EPHA6: variants seen among roughly 807,000 people sequenced by gnomAD.
EPHA6 encodes ephrin type-A receptor 6.
A neutral mutation model predicts 112.0 loss-of-function variants in EPHA6; 50 were observed. The ratio of observed to expected loss-of-function variants is 0.45; its 90% CI spans 0.36 to 0.56. The LOEUF (loss-of-function observed/expected upper bound fraction) is 0.56. Among genes scored for constraint, EPHA6 ranks in the 20% least tolerant of loss-of-function variants. EPHA6 has a pLI of 0.00. For synonymous variants in EPHA6, 529 were observed against 490.7 expected (o/e 1.08, Z -1.03); for missense variants, 1,280 against 1,417.4 (o/e 0.90, Z 1.56).
At chr3:96,943,806 C>A (rs2041107723) in intron 2 of EPHA6, among the ~76,000 whole-genome samples, 1 of 151,838 alleles carries the variant, frequency 6.6e-6, no homozygotes, top group Admixed American at 6.6e-5. Flanking sequence ...TGCAGTGAGG[C>A]TAGCAGCATA....
chr3:97,423,424 A>G (rs2088841664), intron 6 of EPHA6, among the ~76,000 whole-genome samples: 1 of 152,212 alleles, frequency 6.6e-6, no homozygotes, highest in Admixed American at 6.5e-5. Flanking sequence ...AGAATAAAAT[A>G]CCTAAGAATA....
intron 12 of EPHA6, among the ~76,000 whole-genome samples, chr3:97,599,373 T>C (rs2093623760): frequency 6.7e-6 from 1 of 149,312 alleles, no homozygotes; most frequent in South Asian, 2.2e-4. Context: ...ATGCCTAGGT[T>C]TTCTTCTAGG....
At chr3:97,407,657 T>C (rs2087443277) in intron 6 of EPHA6, among the ~76,000 whole-genome samples, 1 of 152,132 alleles carries the variant, frequency 6.6e-6, no homozygotes, top group South Asian at 2.1e-4. Flanking sequence ...CTCAAGTGAA[T>C]ACAGCTTGAC....
chr3:97,009,935 G>C (rs1576314375), intron 3 of EPHA6: 6 of 501,468 alleles, frequency 1.2e-5, no homozygotes, highest in South Asian at 9.3e-5. Context: ...ATTTTGATGA[G>C]AGAACCTGGT....
chr3:97,743,154 C>T (rs893388350), intron 16 of EPHA6, among the ~76,000 whole-genome samples: 13 of 151,962 alleles, frequency 8.6e-5, no homozygotes, highest in Non-Finnish European at 1.5e-5. Context: ...ATAAGTTGAC[C>T]ACTATATCAA....
intron 2 of EPHA6, among the ~76,000 whole-genome samples, chr3:96,899,004 G>T (rs1029896740): frequency 6.6e-6 from 1 of 151,036 alleles, no homozygotes; most frequent in African/African-American, 2.4e-5. Flanking sequence ...CTCCAGCCTG[G>T]GCGACAGAGC....
chr3:97,095,703 C>T (rs2047216070), intron 3 of EPHA6, among the ~76,000 whole-genome samples: 1 of 151,582 alleles, frequency 6.6e-6, no homozygotes, highest in African/African-American at 2.4e-5. Context: ...GGGATATATC[C>T]TTAGAGCAGT....
intron 3 of EPHA6, among the ~76,000 whole-genome samples, chr3:97,174,638 G>A (rs542963881): frequency 6.6e-6 from 1 of 151,742 alleles, no homozygotes; most frequent in Admixed American, 6.6e-5. Flanking sequence ...TTGCATTTCT[G>A]TAATGATCAG....
intron 1 of EPHA6, among the ~76,000 whole-genome samples, chr3:96,831,537 A>G (rs1352162556): frequency 6.6e-6 from 1 of 151,664 alleles, no homozygotes; most frequent in Non-Finnish European, 1.5e-5. Context: ...TTGCCAATTG[A>G]CACTTTTATT....
chr3:97,405,031 C>G, intron 5 of EPHA6, 119 bp from the exon 6 acceptor site: 10 of 1,100,652 alleles, frequency 9.1e-6, no homozygotes, highest in Non-Finnish European at 1.2e-5. Flanking sequence ...AATCTGCCTT[C>G]AATAAATGGT....
intron 2 of EPHA6, among the ~76,000 whole-genome samples, chr3:96,895,458 G>GA (rs930406926): frequency 3.4e-4 from 51 of 152,046 alleles, no homozygotes; most frequent in African/African-American, 1.2e-3. Context: ...ATTGGAGAAA[G>GA]AAAAAAATTA....
intron 14 of EPHA6, among the ~76,000 whole-genome samples, chr3:97,655,266 T>G (rs2094131288): frequency 6.6e-6 from 1 of 151,654 alleles, no homozygotes; most frequent in Non-Finnish European, 1.5e-5. Context: ...AGTTAGCCAT[T>G]GCAATAACAA....
At chr3:97,742,964 A>G (rs1023015620) in intron 16 of EPHA6, among the ~76,000 whole-genome samples, 12 of 152,122 alleles carry the variant, frequency 7.9e-5, no homozygotes, top group Admixed American at 5.9e-4. Context: ...AAGCAGCCAT[A>G]TTGCATTAAG....
chr3:97,290,254 T>G (rs2080628863), intron 5 of EPHA6, among the ~76,000 whole-genome samples: 1 of 152,166 alleles, frequency 6.6e-6, no homozygotes. Context: ...TCCATGTAAT[T>G]GTGTGGTTTT....
At chr3:97,052,247 T>C (rs2045706963) in intron 3 of EPHA6, among the ~76,000 whole-genome samples, 1 of 152,110 alleles carries the variant, frequency 6.6e-6, no homozygotes, top group South Asian at 2.1e-4. Flanking sequence ...GATTGAACTC[T>C]GTCATATGTG....
At chr3:96,987,177 G>A (rs1399338031) in intron 2 of EPHA6, among the ~76,000 whole-genome samples, 153 bp from the exon 3 acceptor site, 1 of 152,134 alleles carries the variant, frequency 6.6e-6, no homozygotes, top group African/African-American at 2.4e-5. Flanking sequence ...AAGGCTCATG[G>A]TTAAAATGCT....
intron 14 of EPHA6, among the ~76,000 whole-genome samples, chr3:97,683,476 C>T (rs1214333443): frequency 5.3e-5 from 8 of 151,984 alleles, no homozygotes; most frequent in African/African-American, 1.7e-4. Flanking sequence ...ATCAAATCAC[C>T]CTCTGAGGTA....
intron 3 of EPHA6, among the ~76,000 whole-genome samples, chr3:97,140,850 G>A (rs1352164006): frequency 1.3e-5 from 2 of 152,016 alleles, no homozygotes; most frequent in Non-Finnish European, 2.9e-5. Flanking sequence ...AAAATAAATG[G>A]CCAAGGTGCC....
intron 5 of EPHA6, among the ~76,000 whole-genome samples, chr3:97,368,336 G>A (rs1233585868): frequency 6.6e-6 from 1 of 151,990 alleles, no homozygotes; most frequent in Non-Finnish European, 1.5e-5. Flanking sequence ...GAATAATTTT[G>A]AAACATATTT....
Sources: allele counts gnomAD v4.1 joint callset (sites outside exome capture counted in the v4.1 genomes callset), GRCh38; gene constraint gnomAD v4.1.1; transcripts MANE v1.5; gene names NCBI Gene and HGNC (gene_info 2026-07-23, HGNC 2026-07-21).